HDAC9: variants seen among roughly 807,000 people sequenced by gnomAD.
HDAC9 encodes histone deacetylase 9.
A neutral mutation model predicts 139.4 loss-of-function variants in HDAC9; 41 were observed. The ratio of observed to expected loss-of-function variants is 0.29; its 90% CI spans 0.23 to 0.38. The LOEUF is 0.38. Ranked by LOEUF, HDAC9 falls within the 10% of genes least tolerant of loss-of-function variation. The pLI is 1.00. For synonymous variants in HDAC9, 517 were observed against 476.2 expected (o/e 1.09, Z -1.12); for missense variants, 1,147 against 1,297.0 (o/e 0.88, Z 1.78).
Position 18,512,989 on chromosome 7 carries a change from G to A in HDAC9, c.22+16665G>A, listed in dbSNP as rs774219977. On this transcript the variant is annotated intron_variant, in intron 2 of 25. Transcript: ENST00000686413. ...ATACAACGTTATTTTTAGTAGCTTT[G>A]TGTATGACAGAGTTTGCATCACAAA... Among the ~76,000 whole-genome samples the A allele has an allele frequency of 4.8e-4, 73 of 152,282 alleles. 1 individual carries two copies. Among genetic ancestry groups the A allele is most frequent in the Admixed American group, 3.9e-3 (59 of 15,300 alleles).
At chr7:18,373,981 G>T (rs1420392782) in intron 1 of HDAC9, among the ~76,000 whole-genome samples, 1 of 151,760 alleles carries the variant, frequency 6.6e-6, no homozygotes, top group Non-Finnish European at 1.5e-5. Context: ...TATTGATACT[G>T]TAAAAAATGT....
chr7:18,467,717 G>A (rs988069517), intron 1 of HDAC9, among the ~76,000 whole-genome samples: 5 of 151,992 alleles, frequency 3.3e-5, no homozygotes, highest in Admixed American at 6.6e-5. Context: ...ACTATATTAC[G>A]TTTATTACAA....
rs149348037 is a variant in HDAC9 at position 18,708,638 on chromosome 7, T to C, written c.1732-18942T>C. On this transcript the variant is annotated intron_variant, in intron 12 of 25. Transcript: ENST00000686413. ...ATGGAAGCCAGGTGAGGTCTACAAGTCCCAGTATTGGGAGACAGGGAGTGA... is the reference window on the plus strand; with the variant it reads ...ATGGAAGCCAGGTGAGGTCTACAAGCCCCAGTATTGGGAGACAGGGAGTGA... Among the ~76,000 whole-genome samples the C allele has an allele frequency of 2.6e-4, 40 of 152,194 alleles. No homozygotes were observed. In the East Asian group the frequency reaches 6.6e-3, roughly 25 times the overall value.
chr7:18,190,827 C>A (rs1422438159), intron 2 of HDAC9, among the ~76,000 whole-genome samples: 1 of 152,048 alleles, frequency 6.6e-6, no homozygotes, highest in East Asian at 1.9e-4. Flanking sequence ...TCTGTATGTC[C>A]CAAATTCCTT....
At chr7:18,570,874 G>A (rs1324180739) in intron 2 of HDAC9, among the ~76,000 whole-genome samples, 2 of 152,154 alleles carry the variant, frequency 1.3e-5, no homozygotes, top group Admixed American at 6.5e-5. Context: ...AGAGAAACTC[G>A]GGAGACTGGC....
intron 2 of HDAC9, among the ~76,000 whole-genome samples, chr7:18,169,599 A>C (rs772753244): frequency 6.6e-6 from 1 of 151,802 alleles, no homozygotes; most frequent in East Asian, 1.9e-4. Flanking sequence ...TCCTAATGCT[A>C]TCCCTCCCCC....
chr7:18,097,552 A>G (rs915325416), intron 1 of HDAC9, among the ~76,000 whole-genome samples: 2 of 150,630 alleles, frequency 1.3e-5, no homozygotes, highest in African/African-American at 4.9e-5. Flanking sequence ...AACCATTTAA[A>G]CTTGGATTAT....
At chr7:18,721,698 T>C (rs1050772008) in intron 12 of HDAC9, among the ~76,000 whole-genome samples, 12 of 152,128 alleles carry the variant, frequency 7.9e-5, no homozygotes, top group African/African-American at 2.9e-4. Flanking sequence ...AAGCTATACA[T>C]TTGGTCCCTG....
chr7:18,763,544 A>G (rs992296017), intron 15 of HDAC9, among the ~76,000 whole-genome samples: 1 of 152,310 alleles, frequency 6.6e-6, no homozygotes, highest in East Asian at 1.9e-4. Flanking sequence ...CTAAACATAT[A>G]TGCTCATTTT....
At chr7:18,836,691 A>C (rs1043731485) in intron 21 of HDAC9, among the ~76,000 whole-genome samples, 2 of 152,158 alleles carry the variant, frequency 1.3e-5, no homozygotes, top group Non-Finnish European at 2.9e-5. Context: ...AATTTTAAAA[A>C]TGAGCATTTC....
At chr7:18,188,328 C>CA (rs58122648) in intron 2 of HDAC9, among the ~76,000 whole-genome samples, 3,708 of 152,228 alleles carry the variant, frequency 0.024, 162 homozygotes, top group African/African-American at 0.084. Context: ...CCCTTCCTTA[C>CA]ACCTTATACA....
intron 2 of HDAC9, among the ~76,000 whole-genome samples, chr7:18,574,773 C>G (rs1429174266): frequency 6.6e-6 from 1 of 152,256 alleles, no homozygotes; most frequent in Non-Finnish European, 1.5e-5. Context: ...TGCGACAGTG[C>G]CTGGGCTTGG....
chr7:18,681,959 A>G (rs1385856581), intron 12 of HDAC9, among the ~76,000 whole-genome samples: 1 of 152,016 alleles, frequency 6.6e-6, no homozygotes, highest in Non-Finnish European at 1.5e-5. Context: ...TAAGCAAATT[A>G]TTATCTATTT....
intron 2 of HDAC9, among the ~76,000 whole-genome samples, chr7:18,577,119 C>G (rs1370508723): frequency 6.6e-6 from 1 of 152,152 alleles, no homozygotes; most frequent in Non-Finnish European, 1.5e-5. Context: ...ATTTACATCT[C>G]ACAACTAAAT....
intron 22 of HDAC9, among the ~76,000 whole-genome samples, chr7:18,874,847 C>T (rs1029692441): frequency 6.6e-6 from 1 of 152,030 alleles, no homozygotes; most frequent in African/African-American, 2.4e-5. Context: ...TTTCAGGAGA[C>T]CTGTTTTACA....
At chr7:18,652,161 A>G (rs549789268) in intron 11 of HDAC9, among the ~76,000 whole-genome samples, 61 of 152,144 alleles carry the variant, frequency 4.0e-4, no homozygotes, top group African/African-American at 1.4e-3. Flanking sequence ...CATTTATATC[A>G]TTTTTCCCCA....
intron 12 of HDAC9, among the ~76,000 whole-genome samples, chr7:18,698,943 G>A (rs1317845906): frequency 2.6e-5 from 4 of 152,158 alleles, no homozygotes; most frequent in Admixed American, 2.0e-4. Flanking sequence ...GCTTCATAAA[G>A]TCATCCTATT....
chr7:18,162,525 C>T (rs1787703523), intron 2 of HDAC9: 1 of 603,764 alleles, frequency 1.7e-6, no homozygotes, highest in African/African-American at 1.9e-5. Flanking sequence ...ATTGCTTAAC[C>T]CAGTTTGCTT....
At chr7:18,757,499 G>C (rs1022038237) in intron 14 of HDAC9, among the ~76,000 whole-genome samples, 2 of 152,112 alleles carry the variant, frequency 1.3e-5, no homozygotes, top group African/African-American at 4.8e-5. Context: ...CAACCCATCT[G>C]TTCTGCTAAA....
Sources: gnomAD v4.1 joint callset for allele counts (sites outside exome capture counted in the v4.1 genomes callset) on GRCh38, gnomAD v4.1.1 for gene constraint, MANE v1.5 for transcripts, NCBI Gene and HGNC (gene_info 2026-07-23, HGNC 2026-07-21) for gene names.